CADM2: variants seen among roughly 807,000 people sequenced by gnomAD.
CADM2 encodes immunoglobulin superfamily member 4D.
Under a neutral mutation model 49.8 loss-of-function variants are expected in CADM2, and 12 were observed. The observed-to-expected ratio is 0.24, with a 90% CI of 0.15 to 0.39. The LOEUF (loss-of-function observed/expected upper bound fraction) is 0.39, where lower values mean the gene tolerates loss of function less well. Among genes scored for constraint, CADM2 ranks in the 10% least tolerant of loss-of-function variants. CADM2 has a pLI of 1.00. For missense variants in CADM2, 378 were observed against 492.3 expected, an observed-to-expected ratio of 0.77 and a Z score of 2.20; for synonymous variants, 214 against 175.4, an observed-to-expected ratio of 1.22 and a Z score of -1.74.
At chr3:84,971,261 A>G (rs2031410422) in intron 1 of CADM2, among the ~76,000 whole-genome samples, 1 of 152,182 alleles carries the variant, frequency 6.6e-6, no homozygotes. Context: ...TTACACTAAA[A>G]GTACTGATTT....
chr3:85,542,288 G>A (rs2061567858), intron 1 of CADM2, among the ~76,000 whole-genome samples: 1 of 151,976 alleles, frequency 6.6e-6, no homozygotes, highest in South Asian at 2.1e-4. Context: ...TTCCTGCCCT[G>A]AGAAATTGTT....
chr3:85,697,071 T>TATATATATGCC (rs1553665816), intron 1 of CADM2, among the ~76,000 whole-genome samples: 14 of 141,662 alleles, frequency 9.9e-5, no homozygotes, highest in African/African-American at 2.9e-4. Context: ...GTCTTAATTA[T>TATATATATGCC]ATATATATAT....
chr3:85,074,928 A>AT (rs1403022549), intron 1 of CADM2, among the ~76,000 whole-genome samples: 1 of 152,098 alleles, frequency 6.6e-6, no homozygotes, highest in Admixed American at 6.6e-5. Context: ...TCAAAAAAAA[A>AT]AAAATCCAGA....
At chr3:85,561,061 G>C (rs756860242) in intron 1 of CADM2, among the ~76,000 whole-genome samples, 3 of 152,112 alleles carry the variant, frequency 2.0e-5, no homozygotes, top group Non-Finnish European at 4.4e-5. Flanking sequence ...CCACATAGAA[G>C]ATTCTCCAAA....
chr3:85,615,370 G>A (rs2063775014), intron 1 of CADM2, among the ~76,000 whole-genome samples: 1 of 152,008 alleles, frequency 6.6e-6, no homozygotes, highest in African/African-American at 2.4e-5. Flanking sequence ...TTTGTAATCT[G>A]TCTAGCCAGT....
At chr3:85,585,171 T>C (rs2062904272) in intron 1 of CADM2, among the ~76,000 whole-genome samples, 1 of 152,006 alleles carries the variant, frequency 6.6e-6, no homozygotes, top group Admixed American at 6.6e-5. Flanking sequence ...TCCACTCTGT[T>C]GAAACCACCT....
At chr3:85,946,692 G>A (rs1358618613) in intron 7 of CADM2, among the ~76,000 whole-genome samples, 5 of 152,000 alleles carry the variant, frequency 3.3e-5, no homozygotes, top group Non-Finnish European at 4.4e-5. Flanking sequence ...ACAAGCAATG[G>A]GGAAAGGATT....
At chr3:85,897,725 A>T (rs535026393) in intron 5 of CADM2, among the ~76,000 whole-genome samples, 2 of 152,292 alleles carry the variant, frequency 1.3e-5, no homozygotes, top group East Asian at 3.9e-4. Context: ...TGGTGTTGCA[A>T]AACTGGTTTT....
rs528554825 is a variant in CADM2, at chr3:85,133,328, T to C, written c.61+173660T>C. 3.3e-5 allele frequency among the ~76,000 whole-genome samples: 5 copies of C among 152,298 alleles called. 1 individual carries two copies. Among genetic ancestry groups the C allele is most frequent in the African/African-American group, 1.2e-4 (5 of 41,592 alleles). On this transcript the variant is annotated intron_variant, in intron 1 of 9. Transcript: ENST00000383699. ...CATCCTGCTGATTGGTAGAGCCCAG[T>C]GGTCTGTTTTGACAGGGCACTGATT...
At chr3:85,414,984 C>G (rs575870904) in intron 1 of CADM2, among the ~76,000 whole-genome samples, 1 of 152,040 alleles carries the variant, frequency 6.6e-6, no homozygotes, top group Admixed American at 6.6e-5. Flanking sequence ...AAGTAAATCA[C>G]GCAAAATGGA....
chr3:85,660,068 C>T (rs1559576286), intron 1 of CADM2, among the ~76,000 whole-genome samples: 1 of 152,080 alleles, frequency 6.6e-6, no homozygotes, highest in Non-Finnish European at 1.5e-5. Context: ...GGTTTAGATA[C>T]CTGCTCATTG....
intron 2 of CADM2, among the ~76,000 whole-genome samples, chr3:85,734,133 T>A (rs2068040443): frequency 6.6e-6 from 1 of 152,124 alleles, no homozygotes; most frequent in Non-Finnish European, 1.5e-5. Flanking sequence ...ATGAAAAAAA[T>A]TAATTTATCC....
intron 2 of CADM2, among the ~76,000 whole-genome samples, chr3:85,732,406 C>T (rs1234590100): frequency 2.6e-5 from 4 of 152,000 alleles, no homozygotes; most frequent in Non-Finnish European, 4.4e-5. Flanking sequence ...GTGTCAGGGG[C>T]GTTAGACATA....
chr3:85,081,013 T>G (rs1029738461), intron 1 of CADM2, among the ~76,000 whole-genome samples: 1 of 152,036 alleles, frequency 6.6e-6, no homozygotes, highest in Non-Finnish European at 1.5e-5. Context: ...GGAATCTGAG[T>G]CAGTACCCAC....
intron 8 of CADM2, chr3:86,014,058 C>A: frequency 1.5e-6 from 2 of 1,317,564 alleles, no homozygotes; most frequent in South Asian, 1.5e-5. Context: ...AATTTCTGTT[C>A]TTTTTCACAA....
At chr3:85,267,843 A>G (rs1358417977) in intron 1 of CADM2, among the ~76,000 whole-genome samples, 1 of 151,616 alleles carries the variant, frequency 6.6e-6, no homozygotes, top group Non-Finnish European at 1.5e-5. Context: ...GGCAGAATAC[A>G]TTTATCTTAT....
intron 3 of CADM2, among the ~76,000 whole-genome samples, chr3:85,827,432 A>G (rs1016635998): frequency 1.3e-5 from 2 of 151,948 alleles, no homozygotes; most frequent in Admixed American, 6.6e-5. Flanking sequence ...CGCGGTGTGT[A>G]GATCCATAGA....
rs113153565 is a variant in CADM2 at position 85,288,218 on chromosome 3, G to GA, written c.61+328556dup. 4.8e-3 allele frequency among the ~76,000 whole-genome samples: 724 copies of GA among 152,108 alleles called. 3 individuals carry two copies. Among genetic ancestry groups the GA allele is most frequent in the Middle Eastern group, 0.027 (8 of 294 alleles). On this transcript the variant is annotated intron_variant, in intron 1 of 9. Transcript: ENST00000383699. ...TAAAATGCGTTTAATATTCTACCAT[G>GA]AAAAAATCACTGTGAGAGAAATAGT...
chr3:85,061,503 C>T (rs1576139179), intron 1 of CADM2, among the ~76,000 whole-genome samples: 1 of 152,268 alleles, frequency 6.6e-6, no homozygotes, highest in Non-Finnish European at 1.5e-5. Context: ...CAAAATAGGA[C>T]AGACATTTCA....
Sources: gnomAD v4.1 joint callset for allele counts (sites outside exome capture counted in the v4.1 genomes callset) on GRCh38, gnomAD v4.1.1 for gene constraint, MANE v1.5 for transcripts, NCBI Gene and HGNC (gene_info 2026-07-23, HGNC 2026-07-21) for gene names.